The following AFP variants were observed in gnomAD, a reference collection of about 807,000 sequenced individuals.
The protein encoded by AFP is alpha fetoprotein.
Under a neutral mutation model 78.9 loss-of-function variants are expected in AFP, and 64 were observed. The ratio of observed to expected loss-of-function variants is 0.81; its 90% confidence interval spans 0.66 to 1.00. The LOEUF (loss-of-function observed/expected upper bound fraction) is 1.00. Ranked by LOEUF, AFP falls within the 50% of genes least tolerant of loss-of-function variation. AFP has a pLI of 0.00. For synonymous variants in AFP, 254 were observed against 243.8 expected, an observed-to-expected ratio of 1.04 and a Z score of -0.39; for missense variants, 689 against 703.8, an observed-to-expected ratio of 0.98 and a Z score of 0.24.
At chr4:73,441,199 A>G (rs1305012828) in intron 4 of AFP, among the ~76,000 whole-genome samples, 1 of 152,128 alleles carries the variant, frequency 6.6e-6, no homozygotes, top group East Asian at 1.9e-4. Context: ...TTGCCTAGAA[A>G]TAAAAGTTAG....
At chr4:73,440,924 T>G in intron 4 of AFP, 111 bp downstream of exon 4, 1 of 1,054,830 alleles carries the variant, frequency 9.5e-7, no homozygotes, top group Non-Finnish European at 1.4e-6. Context: ...GTATAATGTT[T>G]CTTTGGTGTT....
At chr4:73,452,054 C>A (rs974863209) in intron 11 of AFP, among the ~76,000 whole-genome samples, 7 of 152,084 alleles carry the variant, frequency 4.6e-5, no homozygotes, top group Admixed American at 1.3e-4. Flanking sequence ...ATGGAAAGTT[C>A]AACTAAATAC....
At chr4:73,447,182 T>C (rs1719853950) in intron 7 of AFP, among the ~76,000 whole-genome samples, 1 of 152,118 alleles carries the variant, frequency 6.6e-6, no homozygotes, top group Non-Finnish European at 1.5e-5. Context: ...ATTTTCTCTT[T>C]AATATTGGCT....
At chr4:73,451,512 T>C (rs1209889418) in intron 11 of AFP, among the ~76,000 whole-genome samples, 1 of 152,240 alleles carries the variant, frequency 6.6e-6, no homozygotes, top group African/African-American at 2.4e-5. Flanking sequence ...GGAGAGTTCT[T>C]GTGATTAAAT....
chr4:73,450,073 C>G lies in AFP; in HGVS notation c.1229C>G (p.Ala410Gly), dbSNP rs770450024. Residue 410 changes from alanine (A) to glycine (G), a missense_variant, in exon 10 of 15, where the codon GCA becomes GGA. Coordinates refer to ENST00000395792, the MANE Select transcript of AFP (RefSeq NM_001134.3). ...CAGAAATACATCCAGGAGAGCCAAG[C>G]ATTGGCAAAGCGAAGCTGCGGCCTC... ...ELQKYIQESQ[A>G]LAKRSCGLFQ... is the part of the protein sequence containing the mutation. 2.5e-6 allele frequency: 4 copies of G among 1,613,438 alleles called. No individual in the cohort carries two copies. The highest frequency in any genetic ancestry group is 1.7e-5 in the Admixed American group (1 of 59,996).
Position 73,452,466 on chromosome 4 carries a change from C to T in AFP, c.1494C>T (p.Gly498=). 6.2e-7 allele frequency: 1 copy of T among 1,614,054 alleles called. No homozygotes were observed. The highest frequency in any genetic ancestry group is 1.1e-5 in the South Asian group (1 of 91,084). The change falls in exon 12 of 15, where the codon GGC becomes GGT. Residue 498 remains glycine, a synonymous_variant. Transcript: ENST00000395792. ...HEMTPVNPGV[G]QCCTSSYANR... is the part of the protein sequence containing the mutation. ...TGACTCCAGTAAACCCTGGTGTTGGCCAGTGCTGCACTTCTTCATATGCCA... is the reference window on the plus strand; with the variant it reads ...TGACTCCAGTAAACCCTGGTGTTGGTCAGTGCTGCACTTCTTCATATGCCA...
At chr4:73,450,289 A>G (rs569007397) in intron 10 of AFP, among the ~76,000 whole-genome samples, 156 bp downstream of exon 10, 7 of 152,304 alleles carry the variant, frequency 4.6e-5, no homozygotes, top group South Asian at 2.1e-4. Flanking sequence ...TTTTTGCAGT[A>G]AAGATATCCA....
rs1298710318 is a variant in AFP, at chr4:73,449,520, TG to T, written c.1191+54del. The stretch of plus-strand genomic sequence containing the variant: ...TATGAAAAACTGGATTGATATCATC[TG>T]TTAAAAATGCTGTTTGTTTGAAAGC... On this transcript the variant is annotated intron_variant, in intron 9 of 14. Transcript: ENST00000395792. The T allele has an allele frequency of 2.6e-5, 41 of 1,600,036 alleles. No individual in the cohort carries two copies. The East Asian group carries it at 9.0e-4, about 35-fold the overall frequency.
chr4:73,450,588 G>A (rs551669412), intron 10 of AFP, 27 bp from the exon 11 acceptor site: 42 of 1,613,990 alleles, frequency 2.6e-5, no homozygotes, highest in Non-Finnish European at 3.0e-5. Context: ...GACTCAGCAG[G>A]ACTTAGTTAA....
chr4:73,444,922 T>A, intron 6 of AFP, 71 bp from the exon 7 acceptor site: 1 of 1,335,828 alleles, frequency 7.5e-7, no homozygotes, highest in South Asian at 1.3e-5. Flanking sequence ...ACTGTAGTAA[T>A]ACTCTATAAA....
intron 4 of AFP, among the ~76,000 whole-genome samples, chr4:73,441,463 G>A (rs368288167): frequency 4.0e-5 from 6 of 151,226 alleles, no homozygotes; most frequent in African/African-American, 1.5e-4. Flanking sequence ...AGCTACTCGG[G>A]AGGCTGAGGC....
At chr4:73,453,667 A>G in intron 12 of AFP, 98 bp from the exon 13 acceptor site, 1 of 1,402,684 alleles carries the variant, frequency 7.1e-7, no homozygotes, top group Non-Finnish European at 9.9e-7. Flanking sequence ...TTGATGGAGT[A>G]AGGGTTTAGG....
chr4:73,452,367 T>C, intron 11 of AFP, 34 bp from the exon 12 acceptor site: 1 of 1,584,938 alleles, frequency 6.3e-7, no homozygotes, highest in Non-Finnish European at 8.7e-7. Flanking sequence ...TAATGCCCAA[T>C]CTCCTTACTT....
At chr4:73,437,028 G>C in intron 1 of AFP, 132 bp from the exon 2 acceptor site, 1 of 719,174 alleles carries the variant, frequency 1.4e-6, no homozygotes, top group African/African-American at 1.8e-5. Context: ...AAGATGCTTA[G>C]GTTATCCCTA....
chr4:73,451,831 A>C (rs962867991), intron 11 of AFP, among the ~76,000 whole-genome samples: 6 of 152,232 alleles, frequency 3.9e-5, no homozygotes, highest in African/African-American at 1.4e-4. Context: ...TTCTTATTAC[A>C]AGTTATTACT....
Position 73,456,007 on chromosome 4 carries a change from T to C in AFP, c.*387T>C, listed in dbSNP as rs1720148816. 1 of 214,644 alleles carries C rather than the reference T, an allele frequency of 4.7e-6. No homozygotes were observed. Among genetic ancestry groups the C allele is most frequent in the African/African-American group, 2.3e-5 (1 of 43,282 alleles). 13.3% of individuals were successfully genotyped at this position (214,644 alleles called of 1,614,324 possible). A position where few individuals can be genotyped will look rare whatever the true frequency, so the allele number is the denominator to read the frequency against. ...GGGCATTTTGTTTATTAAATGACCA[T>C]CACTGAAGTATTCTAACAGATAATC... is the stretch of plus-strand genomic sequence containing the variant. On this transcript the variant is annotated 3_prime_UTR_variant, in exon 15 of 15. Transcript: ENST00000395792.
At chr4:73,441,471 G>A (rs1193815746) in intron 4 of AFP, among the ~76,000 whole-genome samples, 2 of 149,642 alleles carry the variant, frequency 1.3e-5, no homozygotes, top group Non-Finnish European at 3.0e-5. Context: ...GGGAGGCTGA[G>A]GCAGGAGAAT....
intron 7 of AFP, among the ~76,000 whole-genome samples, chr4:73,446,624 TG>T (rs1215148492): frequency 0.043 from 1,022 of 23,970 alleles, 12 homozygotes; most frequent in African/African-American, 0.11. Context: ...GAATTTCTCG[TG>T]GAGCAGAAAG....
At chr4:73,455,430 T>G in intron 14 of AFP, 140 bp downstream of exon 14, 1 of 735,808 alleles carries the variant, frequency 1.4e-6, no homozygotes. Context: ...TTAAAAACAC[T>G]TGAACAAAAT....
Sources: gnomAD v4.1 joint callset for allele counts (sites outside exome capture counted in the v4.1 genomes callset) on GRCh38, gnomAD v4.1.1 for gene constraint, MANE v1.5 for transcripts, NCBI Gene and HGNC (gene_info 2026-07-23, HGNC 2026-07-21) for gene names.